The following SCAF4 variants were observed in gnomAD, a reference collection of about 807,000 sequenced individuals.
SCAF4 encodes the protein SR-related and CTD-associated factor 4.
SCAF4 carries 25 observed loss-of-function variants against 129.8 expected under a neutral mutation model. That is an observed-to-expected ratio of 0.19 (90% CI 0.14 to 0.27). The LOEUF (loss-of-function observed/expected upper bound fraction) is 0.27, where lower values mean the gene tolerates loss of function less well. Ranked by LOEUF, SCAF4 falls within the 10% of genes least tolerant of loss-of-function variation. The pLI is 1.00. For synonymous variants in SCAF4, 551 were observed against 497.7 expected, an observed-to-expected ratio of 1.11 and a Z score of -1.43; for missense variants, 1,246 against 1,457.1, an observed-to-expected ratio of 0.86 and a Z score of 2.36.
chr21:31,707,092 G>A (rs2050684005), intron 1 of SCAF4, among the ~76,000 whole-genome samples: 1 of 152,184 alleles, frequency 6.6e-6, no homozygotes, highest in South Asian at 2.1e-4. Context: ...AGAACAGAGT[G>A]TGGGATGTTG....
chr21:31,685,442 A>G lies in SCAF4; in HGVS notation c.2252T>C (p.Val751Ala). 6.2e-7 allele frequency: 1 copy of G among 1,613,538 alleles called. No homozygotes were observed. The highest frequency in any genetic ancestry group is 1.3e-5 in the African/African-American group (1 of 75,016). The change falls in exon 18 of 20, where the codon GTA becomes GCA. Residue 751 changes from valine to alanine, a missense_variant. By Grantham distance (64) the Val-to-Ala change is moderately conservative (BLOSUM62 0). This residue lies in a region of SCAF4 where 468 missense variants were observed against 605.5 expected (regional missense o/e 0.77). Coordinates refer to ENST00000286835, the MANE Select transcript of SCAF4 (RefSeq NM_020706.2). ...PGPPPPITPP[V>A]SIPPPHTPPI... Reference sequence around the variant, plus strand: ...TGGAGTGTGAGGAGGAGGAATGGATACTGGTGGAGTTATAGGAGGTGGGGG... The same window carrying G: ...TGGAGTGTGAGGAGGAGGAATGGATGCTGGTGGAGTTATAGGAGGTGGGGG...
Position 31,685,031 on chromosome 21 carries a change from TAA to T in SCAF4, c.2488+16_2488+17del. The T allele has an allele frequency of 1.5e-6, 2 of 1,374,080 alleles. No homozygotes were observed. The highest frequency in any genetic ancestry group is 2.0e-6 in the Non-Finnish European group (2 of 985,730). The allele number at this position is 1,374,080 out of a possible 1,614,324, so 85.1% of individuals were successfully genotyped here. On this transcript the variant is annotated intron_variant, in intron 19 of 19. Transcript: ENST00000286835. ...GGGGTGGGGCAAGGAAAACTAATGATAAAAAAAAATAACTTACCAAGAAGTGA... is the reference window on the plus strand; with the variant it reads ...GGGGTGGGGCAAGGAAAACTAATGATAAAAAAATAACTTACCAAGAAGTGA...
rs187786830 is a variant in SCAF4, at chr21:31,709,144, T to C, written c.31-2787A>G. On this transcript the variant is annotated intron_variant, in intron 1 of 19. Transcript: ENST00000286835. ...TCCCTTCTCCTCATTTCCTGAAATGTAGAGACTGAGGCCCACTGGGCACTG... is the reference window on the plus strand; with the variant it reads ...TCCCTTCTCCTCATTTCCTGAAATGCAGAGACTGAGGCCCACTGGGCACTG... Among the ~76,000 whole-genome samples the C allele has an allele frequency of 1.6e-4, 25 of 152,244 alleles. No homozygotes were observed. In the East Asian group the frequency reaches 4.4e-3, roughly 27 times the overall value.
At chr21:31,686,204 A>G (rs1188896511) in intron 16 of SCAF4, among the ~76,000 whole-genome samples, 1 of 118,770 alleles carries the variant, frequency 8.4e-6, no homozygotes, top group African/African-American at 3.9e-5. Context: ...CTTGGTCTTC[A>G]AAAAAAAAAA....
Position 31,706,361 on chromosome 21 carries a change from A to G in SCAF4, c.31-4T>C. The G allele has an allele frequency of 6.3e-7, 1 of 1,589,464 alleles. No individual in the cohort carries two copies. Among genetic ancestry groups the G allele is most frequent in the South Asian group, 1.1e-5 (1 of 87,864 alleles). ...TCATATCCATAAGCGAAAAGAGCTT[A>G]AAAGACAAAAAACAAACAAAAAGTA... On this transcript the variant is annotated splice_polypyrimidine_tract_variant and splice_region_variant and intron_variant, in intron 1 of 19. Coordinates refer to ENST00000286835, the MANE Select transcript of SCAF4 (RefSeq NM_020706.2).
rs202442 is a variant in SCAF4 at position 31,684,475 on chromosome 21, C to T, written c.2488+574G>A. On this transcript the variant is annotated intron_variant, in intron 19 of 19. Coordinates refer to ENST00000286835, the MANE Select transcript of SCAF4 (RefSeq NM_020706.2). The stretch of plus-strand genomic sequence containing the variant: ...GGGTAAAAAGTACAACAGATAAACT[C>T]CAGCCAAGTAAACTGAGAGTGAGTG... The T allele has an allele frequency of 6.0e-3, 924 of 153,174 alleles. 6 individuals carry two copies. Among genetic ancestry groups the T allele is most frequent in the Non-Finnish European group, 0.01 (706 of 68,704 alleles). The allele number at this position is 153,174 out of a possible 1,614,324, so 9.5% of individuals were successfully genotyped here. A position where few individuals can be genotyped will look rare whatever the true frequency, so the allele number is the denominator to read the frequency against.
At chr21:31,715,949 G>C (rs2050911493) in intron 1 of SCAF4, among the ~76,000 whole-genome samples, 1 of 152,148 alleles carries the variant, frequency 6.6e-6, no homozygotes. Flanking sequence ...TAAATTGTTA[G>C]TGAATCTGTT....
At chr21:31,721,694 G>C (rs2051070160) in intron 1 of SCAF4, among the ~76,000 whole-genome samples, 1 of 141,886 alleles carries the variant, frequency 7.0e-6, no homozygotes, top group Non-Finnish European at 1.6e-5. Flanking sequence ...CTTTGATTTT[G>C]TTCTTTTATT....
chr21:31,686,745 T>G (rs2050135791), intron 16 of SCAF4, among the ~76,000 whole-genome samples: 1 of 152,164 alleles, frequency 6.6e-6, no homozygotes, highest in African/African-American at 2.4e-5. Flanking sequence ...AGCATTAGAT[T>G]GTCATAGGAG....
chr21:31,685,700 C>T lies in SCAF4; in HGVS notation c.2077G>A (p.Gly693Ser). 6.2e-7 allele frequency: 1 copy of T among 1,609,426 alleles called. No homozygotes were observed. Among genetic ancestry groups the T allele is most frequent in the Non-Finnish European group, 8.5e-7 (1 of 1,178,014 alleles). Residue 693 changes from glycine (G) to serine (S), a missense_variant, in exon 17 of 20, where the codon GGT (glycine) becomes AGT (serine). Gly to Ser is a moderately conservative substitution (Grantham distance 56). Coordinates refer to ENST00000286835, the MANE Select transcript of SCAF4 (RefSeq NM_020706.2). The stretch of plus-strand genomic sequence containing the variant: ...GTGAAAGCAGGCGGCTGGAGAGCAC[C>T]AACTACAGGTGGACCCGGTTGATGT... ...PPHQPGPPVV[G>S]ALQPPAFTPP...
At chr21:31,730,498 A>G (rs9636600) in intron 1 of SCAF4, among the ~76,000 whole-genome samples, 19,886 of 152,218 alleles carry the variant, frequency 0.13, 2,059 homozygotes, top group East Asian at 0.51. Context: ...CTGCAAATCT[A>G]AAGGAAAGTT....
At chr21:31,711,910 T>A (rs918675228) in intron 1 of SCAF4, among the ~76,000 whole-genome samples, 1 of 152,154 alleles carries the variant, frequency 6.6e-6, no homozygotes, top group Non-Finnish European at 1.5e-5. Context: ...ATAGGGTCAA[T>A]TTTTTGATGC....
Position 31,691,703 on chromosome 21 carries a change from A to G in SCAF4, c.1728+114T>C, listed in dbSNP as rs1426267251. 4 of 415,794 alleles carry G rather than the reference A, an allele frequency of 9.6e-6. No individual in the cohort carries two copies. In the East Asian group the frequency reaches 1.4e-4, roughly 15 times the overall value. The allele number at this position is 415,794 out of a possible 1,614,324, so 25.8% of individuals were successfully genotyped here. On this transcript the variant is annotated intron_variant, in intron 14 of 19. Coordinates refer to ENST00000286835, the MANE Select transcript of SCAF4 (RefSeq NM_020706.2). ...AAAAAAAAAAAAAAGATGCACATGA[A>G]ATGCCTCAGTGTTGAAAGTCATTTC...
chr21:31,680,678 C>T (rs1024029174), intron 19 of SCAF4, among the ~76,000 whole-genome samples: 6 of 152,188 alleles, frequency 3.9e-5, no homozygotes, highest in Non-Finnish European at 5.9e-5. Flanking sequence ...GAAAACTCTA[C>T]TTTCTAGAAT....
chr21:31,724,869 T>C (rs1384831230), intron 1 of SCAF4, among the ~76,000 whole-genome samples: 1 of 152,238 alleles, frequency 6.6e-6, no homozygotes, highest in African/African-American at 2.4e-5. Context: ...CATGTAATTT[T>C]TTCTGAAACA....
At chr21:31,695,686 C>T (rs890281157) in intron 9 of SCAF4, among the ~76,000 whole-genome samples, 6 of 152,284 alleles carry the variant, frequency 3.9e-5, no homozygotes, top group South Asian at 2.1e-4. Context: ...AAATTTATCT[C>T]TACTAACTTC....
chr21:31,694,393 A>C, intron 10 of SCAF4, 104 bp from the exon 11 acceptor site: 2 of 704,352 alleles, frequency 2.8e-6, no homozygotes, highest in Non-Finnish European at 4.5e-6. Context: ...CCCTGAAGCA[A>C]TTCTCTTTTG....
chr21:31,674,971 G>C (rs2049813962), intron 19 of SCAF4, among the ~76,000 whole-genome samples: 1 of 152,164 alleles, frequency 6.6e-6, no homozygotes, highest in Non-Finnish European at 1.5e-5. Flanking sequence ...GCTGGTGTGT[G>C]AATCTGAGTG....
At chr21:31,702,409 A>C (rs779593553) in intron 4 of SCAF4, 30 bp from the exon 5 acceptor site, 1 of 1,593,830 alleles carries the variant, frequency 6.3e-7, no homozygotes, top group Non-Finnish European at 8.6e-7. Flanking sequence ...CAAATATACA[A>C]TAAATATTTG....
Sources: gnomAD v4.1 joint callset for allele counts (sites outside exome capture counted in the v4.1 genomes callset) on GRCh38, gnomAD v4.1.1 for gene constraint, gnomAD v4.1.1 regional missense constraint, MANE v1.5 for transcripts, NCBI Gene and HGNC (gene_info 2026-07-23, HGNC 2026-07-21) for gene names.